The following EPB41L4B variants were observed in gnomAD, a reference collection of about 807,000 sequenced individuals.
EPB41L4B encodes the protein erythrocyte membrane protein band 4.1 like 4B, also known as band 4.1-like protein 4B.
Under a neutral mutation model 112.5 loss-of-function variants are expected in EPB41L4B, and 30 were observed. The ratio of observed to expected loss-of-function variants is 0.27; its 90% CI spans 0.20 to 0.36. EPB41L4B has a LOEUF of 0.36. EPB41L4B is among the 10% of genes least tolerant of loss of function. EPB41L4B has a pLI of 1.00. For missense variants in EPB41L4B, 1,024 were observed against 1,133.3 expected (o/e 0.90, Z 1.38); for synonymous variants, 408 against 439.7 (o/e 0.93, Z 0.90).
intron 18 of EPB41L4B, among the ~76,000 whole-genome samples, chr9:109,207,031 C>T (rs927845490): frequency 2.0e-5 from 3 of 152,232 alleles, no homozygotes; most frequent in African/African-American, 7.2e-5. Context: ...ATGTCCCCTC[C>T]TCAGTCTGAG....
At chr9:109,239,903 C>T (rs1834294572) in intron 15 of EPB41L4B, 1 of 985,412 alleles carries the variant, frequency 1.0e-6, no homozygotes, top group African/African-American at 1.7e-5. Context: ...CTTCTCTCTA[C>T]TCAGCACCTG....
intron 22 of EPB41L4B, among the ~76,000 whole-genome samples, chr9:109,191,634 T>C (rs1287392432): frequency 6.6e-6 from 1 of 152,142 alleles, no homozygotes; most frequent in African/African-American, 2.4e-5. Flanking sequence ...TTTAAATCTA[T>C]AAGTAATTAA....
intron 2 of EPB41L4B, among the ~76,000 whole-genome samples, 158 bp from the exon 3 acceptor site, chr9:109,268,591 T>C (rs1349041430): frequency 6.6e-6 from 1 of 152,054 alleles, no homozygotes; most frequent in Non-Finnish European, 1.5e-5. Flanking sequence ...GCAAACTGCT[T>C]GGGATGGTAT....
At chr9:109,306,856 T>C (rs1247083986) in intron 1 of EPB41L4B, among the ~76,000 whole-genome samples, 1 of 152,160 alleles carries the variant, frequency 6.6e-6, no homozygotes, top group Non-Finnish European at 1.5e-5. Flanking sequence ...TATACAGAGC[T>C]GACCCAAGAA....
chr9:109,289,759 T>C (rs543194383), intron 1 of EPB41L4B, among the ~76,000 whole-genome samples: 3 of 152,368 alleles, frequency 2.0e-5, no homozygotes, highest in Non-Finnish European at 4.4e-5. Flanking sequence ...ATGCCTTTTA[T>C]ATACAAAATG....
chr9:109,227,106 G>T (rs1357093331), intron 15 of EPB41L4B, among the ~76,000 whole-genome samples: 1 of 151,792 alleles, frequency 6.6e-6, no homozygotes, highest in Non-Finnish European at 1.5e-5. Flanking sequence ...CTAAAGCACT[G>T]GTATTACAGG....
rs1164107775 is a variant in EPB41L4B, at chr9:109,252,040, G to GA, written c.1280-530dup. Among the ~76,000 whole-genome samples, 10 of 152,206 alleles carry GA rather than the reference G, an allele frequency of 6.6e-5. No homozygotes were observed. In the East Asian group the frequency reaches 1.7e-3, roughly 26 times the overall value. On this transcript the variant is annotated intron_variant, in intron 12 of 25. Transcript: ENST00000374566. ...AAAGAAGATGCTAGAACTCTGGCTG[G>GA]AAAAAAGTCAGTGAAATAAGGGAGA...
At chr9:109,280,649 A>G (rs945042446) in intron 1 of EPB41L4B, among the ~76,000 whole-genome samples, 1 of 152,206 alleles carries the variant, frequency 6.6e-6, no homozygotes, top group Non-Finnish European at 1.5e-5. Flanking sequence ...GAGAGTCTGA[A>G]TGAGAAACCA....
At chr9:109,251,081 G>A (rs1241166700) in intron 13 of EPB41L4B, among the ~76,000 whole-genome samples, 1 of 152,230 alleles carries the variant, frequency 6.6e-6, no homozygotes, top group Non-Finnish European at 1.5e-5. Context: ...TGTCTTCTAT[G>A]ATGTAAAACC....
At chr9:109,217,227 G>T in intron 15 of EPB41L4B, 82 bp from the exon 16 acceptor site, 1 of 1,213,646 alleles carries the variant, frequency 8.2e-7, no homozygotes, top group Non-Finnish European at 1.2e-6. Flanking sequence ...CGTTTTCTAG[G>T]CATTAAACAC....
intron 1 of EPB41L4B, among the ~76,000 whole-genome samples, chr9:109,294,160 G>A (rs982222922): frequency 2.0e-5 from 3 of 151,854 alleles, no homozygotes; most frequent in Admixed American, 1.3e-4. Flanking sequence ...AAAAAAATTA[G>A]CAGGCGTGGT....
chr9:109,240,758 T>C (rs982911074), intron 15 of EPB41L4B: 7 of 985,362 alleles, frequency 7.1e-6, no homozygotes, highest in Admixed American at 1.2e-4. Context: ...TGATTGCACG[T>C]TGCTTTTTAA....
chr9:109,303,498 A>G (rs1360230951), intron 1 of EPB41L4B, among the ~76,000 whole-genome samples: 1 of 151,954 alleles, frequency 6.6e-6, no homozygotes, highest in African/African-American at 2.4e-5. Flanking sequence ...GGTGCACGCC[A>G]TCGCACCTGG....
rs200346279 is a variant in EPB41L4B at position 109,283,931 on chromosome 9, T to TAA, written c.307-4012_307-4011dup. 2.5e-3 allele frequency among the ~76,000 whole-genome samples: 330 copies of TAA among 132,550 alleles called. 1 individual carries two copies. The highest frequency in any genetic ancestry group is 8.5e-3 in the African/African-American group (304 of 35,786). 87.0% of individuals were successfully genotyped at this position (132,550 alleles called of 152,430 possible). A position where few individuals can be genotyped will look rare whatever the true frequency, so the allele number is the denominator to read the frequency against. ...GCAAGACCCCATCTCTACAAAAAAG[T>TAA]AAAAAAAAAAAAAAAAATTAGTTGG... On this transcript the variant is annotated intron_variant, in intron 1 of 25. Coordinates refer to ENST00000374566, the MANE Select transcript of EPB41L4B (RefSeq NM_019114.5).
chr9:109,298,458 C>G (rs1038493836), intron 1 of EPB41L4B, among the ~76,000 whole-genome samples: 1 of 151,894 alleles, frequency 6.6e-6, no homozygotes, highest in Non-Finnish European at 1.5e-5. Flanking sequence ...GGATTACAGG[C>G]GCCTGCCACC....
chr9:109,290,401 G>A (rs2119177305), intron 1 of EPB41L4B, among the ~76,000 whole-genome samples: 1 of 152,300 alleles, frequency 6.6e-6, no homozygotes, highest in African/African-American at 2.4e-5. Context: ...ATAGAGGTAT[G>A]TGAAGTTTAG....
intron 24 of EPB41L4B, among the ~76,000 whole-genome samples, chr9:109,180,516 G>A (rs1337782901): frequency 1.3e-5 from 2 of 152,148 alleles, no homozygotes; most frequent in African/African-American, 4.8e-5. Context: ...TTCTTAAAAG[G>A]CAGATGCTGG....
intron 14 of EPB41L4B, among the ~76,000 whole-genome samples, chr9:109,247,513 T>C (rs559143989): frequency 3.9e-5 from 6 of 152,016 alleles, no homozygotes; most frequent in Admixed American, 1.3e-4. Flanking sequence ...TGCTTGCCAG[T>C]TGACAAGGTT....
chr9:109,176,598 T>G lies in EPB41L4B; in HGVS notation c.2586A>C (p.Thr862=). The G allele has an allele frequency of 6.2e-7, 1 of 1,614,040 alleles. No homozygotes were observed. The highest frequency in any genetic ancestry group is 8.5e-7 in the Non-Finnish European group (1 of 1,179,984). ...TLRPLTETVS[T]VQTIYTTRKP... ...TCCGGGTGGTGTAAATGGTCTGCAC[T>G]GTGGAGACGGTCTCTGTCAAAGGCC... Residue 862 remains threonine, a synonymous_variant, in exon 25 of 26, where the codon ACA becomes ACC. Transcript: ENST00000374566.
Sources: allele counts gnomAD v4.1 joint callset (sites outside exome capture counted in the v4.1 genomes callset), GRCh38; gene constraint gnomAD v4.1.1; transcripts MANE v1.5; gene names NCBI Gene and HGNC (gene_info 2026-07-23, HGNC 2026-07-21).